MEGF11: variants seen among roughly 807,000 people sequenced by gnomAD.
The protein encoded by MEGF11 is multiple epidermal growth factor-like domains protein 11.
In MEGF11, 126 loss-of-function variants were observed where a neutral mutation model predicts 146.6. That is an observed-to-expected ratio of 0.86 (90% CI 0.74 to 1.00). The LOEUF (loss-of-function observed/expected upper bound fraction) is 1.00. MEGF11 is among the 50% of genes least tolerant of loss of function. The pLI, the probability that MEGF11 is intolerant of heterozygous loss-of-function variation, is 0.00. For missense variants in MEGF11, 1,509 were observed against 1,521.2 expected (o/e 0.99, Z 0.13); for synonymous variants, 532 against 583.4 (o/e 0.91, Z 1.27).
In MEGF11 at chr15:65,980,847, G is replaced by A. The variant is rs753912618; in HGVS notation, c.693C>T (p.Arg231=). 5.8e-5 allele frequency: 93 copies of A among 1,598,502 alleles called. 1 individual carries two copies. In the Middle Eastern group the frequency reaches 8.3e-3, roughly 143 times the overall value. ...PGSHGAHCEL[R]CPCQNGGTCH... ...AGGTGCCCCCATTCTGACAGGGGCA[G>A]CGCAGCTCACAGTGAGCTCCATGGC... is the stretch of plus-strand genomic sequence containing the variant. Residue 231 remains arginine, a synonymous_variant, in exon 7 of 26, where the codon CGC becomes CGT. Transcript: ENST00000395614.
chr15:65,923,658 T>C (rs539051844), intron 13 of MEGF11, among the ~76,000 whole-genome samples: 203 of 152,380 alleles, frequency 1.3e-3, no homozygotes, highest in African/African-American at 4.6e-3. Flanking sequence ...TGTATTCGAT[T>C]TCAGCTTTTA....
chr15:66,239,630 C>A (rs1042664885), intron 1 of MEGF11, among the ~76,000 whole-genome samples: 1 of 152,238 alleles, frequency 6.6e-6, no homozygotes, highest in Non-Finnish European at 1.5e-5. Context: ...CTGCCCCAGC[C>A]TCCCCCAGGG....
At chr15:66,100,326 G>A (rs1398626836) in intron 4 of MEGF11, among the ~76,000 whole-genome samples, 1 of 152,188 alleles carries the variant, frequency 6.6e-6, no homozygotes, top group Non-Finnish European at 1.5e-5. Flanking sequence ...TTCCCCTAAA[G>A]AGCAGGGGCC....
intron 1 of MEGF11, among the ~76,000 whole-genome samples, chr15:66,205,045 A>C (rs2091265448): frequency 6.6e-6 from 1 of 151,538 alleles, no homozygotes. Context: ...AGGAACCCAG[A>C]AATGCCAATA....
intron 5 of MEGF11, among the ~76,000 whole-genome samples, chr15:66,022,457 C>T (rs1304776067): frequency 6.6e-6 from 1 of 152,230 alleles, no homozygotes; most frequent in Non-Finnish European, 1.5e-5. Context: ...CAGGCACACA[C>T]ACGTATGACT....
intron 5 of MEGF11, among the ~76,000 whole-genome samples, chr15:66,072,642 A>G (rs1465675526): frequency 6.6e-6 from 1 of 152,234 alleles, no homozygotes; most frequent in Non-Finnish European, 1.5e-5. Flanking sequence ...TCAGTGCTAC[A>G]AGTCCACTTT....
At chr15:66,015,585 G>A (rs1435121469) in intron 5 of MEGF11, among the ~76,000 whole-genome samples, 1 of 152,032 alleles carries the variant, frequency 6.6e-6, no homozygotes, top group Non-Finnish European at 1.5e-5. Flanking sequence ...TCCTCATCAT[G>A]AAAAAGGGGG....
At chr15:66,103,422 C>T (rs2086915126) in intron 4 of MEGF11, among the ~76,000 whole-genome samples, 1 of 152,146 alleles carries the variant, frequency 6.6e-6, no homozygotes, top group South Asian at 2.1e-4. Flanking sequence ...TTCTGAGACA[C>T]AGAGAATTGT....
chr15:65,937,565 G>A (rs547269281), intron 10 of MEGF11, among the ~76,000 whole-genome samples: 8 of 152,284 alleles, frequency 5.3e-5, no homozygotes, highest in African/African-American at 1.2e-4. Context: ...AGTATTCTCC[G>A]CCTACAAAGC....
chr15:65,991,869 G>A (rs1417124387), intron 5 of MEGF11, among the ~76,000 whole-genome samples: 5 of 152,178 alleles, frequency 3.3e-5, no homozygotes, highest in African/African-American at 9.7e-5. Context: ...CAGCTATTAC[G>A]AGATGAGAGG....
intron 1 of MEGF11, among the ~76,000 whole-genome samples, chr15:66,239,739 T>A (rs1033533083): frequency 6.6e-6 from 1 of 152,232 alleles, no homozygotes; most frequent in African/African-American, 2.4e-5. Flanking sequence ...GAGCACTGGA[T>A]GCTGTCATGA....
chr15:65,947,200 G>A (rs1282390690), intron 10 of MEGF11, among the ~76,000 whole-genome samples: 1 of 151,984 alleles, frequency 6.6e-6, no homozygotes, highest in Admixed American at 6.6e-5. Context: ...CCCTCCTGGG[G>A]TTGATAATTA....
intron 1 of MEGF11, among the ~76,000 whole-genome samples, chr15:66,248,605 CT>C (rs1353375963): frequency 5.3e-5 from 8 of 152,274 alleles, no homozygotes; most frequent in Non-Finnish European, 1.0e-4. Flanking sequence ...CACTGATTAT[CT>C]TTAAGTTTCA....
chr15:66,197,342 C>T (rs2091032910), intron 1 of MEGF11, among the ~76,000 whole-genome samples: 2 of 152,208 alleles, frequency 1.3e-5, no homozygotes, highest in Non-Finnish European at 1.5e-5. Flanking sequence ...AGTATGTTCA[C>T]TCTCATCTCC....
At chr15:65,955,760 AAATATATAT>A (rs1206225513) in intron 10 of MEGF11, among the ~76,000 whole-genome samples, 1 of 17,884 alleles carries the variant, frequency 5.6e-5, no homozygotes, top group African/African-American at 1.4e-4. Context: ...AAAAAAAAAA[AAATATATAT>A]ATATATATAT....
intron 1 of MEGF11, among the ~76,000 whole-genome samples, chr15:66,191,769 A>G (rs1019292584): frequency 1.3e-5 from 2 of 152,204 alleles, no homozygotes; most frequent in African/African-American, 4.8e-5. Flanking sequence ...TGCCTGGGTT[A>G]TAATCTTAAT....
intron 1 of MEGF11, among the ~76,000 whole-genome samples, chr15:66,191,261 C>T (rs1171832623): frequency 6.6e-6 from 1 of 152,204 alleles, no homozygotes; most frequent in Non-Finnish European, 1.5e-5. Flanking sequence ...GGGAGGGCCG[C>T]TCTCCGGGCT....
chr15:66,161,397 T>A (rs555217342), intron 1 of MEGF11, among the ~76,000 whole-genome samples: 1 of 151,796 alleles, frequency 6.6e-6, no homozygotes, highest in African/African-American at 2.4e-5. Flanking sequence ...AATCTCCACT[T>A]TTTTTTTAGA....
At chr15:66,186,809 T>C (rs1191035479) in intron 1 of MEGF11, among the ~76,000 whole-genome samples, 1 of 152,222 alleles carries the variant, frequency 6.6e-6, no homozygotes, top group Non-Finnish European at 1.5e-5. Flanking sequence ...GACATGATGA[T>C]CCTCATTTAC....
Sources: gnomAD v4.1 joint callset for allele counts (sites outside exome capture counted in the v4.1 genomes callset) on GRCh38, gnomAD v4.1.1 for gene constraint, MANE v1.5 for transcripts, NCBI Gene and HGNC (gene_info 2026-07-23, HGNC 2026-07-21) for gene names.